MAN1A2: variants seen among roughly 807,000 people sequenced by gnomAD.
The protein encoded by MAN1A2 is mannosidase alpha class 1A member 2.
Under a neutral mutation model 75.7 loss-of-function variants are expected in MAN1A2, and 26 were observed. The observed-to-expected ratio is 0.34, with a 90% confidence interval of 0.25 to 0.48. The LOEUF (loss-of-function observed/expected upper bound fraction) is 0.48. Ranked by LOEUF, MAN1A2 falls within the 20% of genes least tolerant of loss-of-function variation. The pLI, the probability that MAN1A2 is intolerant of heterozygous loss-of-function variation, is 0.99. For missense variants in MAN1A2, 562 were observed against 775.5 expected, an observed-to-expected ratio of 0.72 and a Z score of 3.27; for synonymous variants, 247 against 264.6, an observed-to-expected ratio of 0.93 and a Z score of 0.65.
In MAN1A2 at chr1:117,368,038, T is replaced by C. The variant is rs554578188; in HGVS notation, c.-146T>C. On this transcript the variant is annotated 5_prime_UTR_variant, in exon 1 of 13. Coordinates refer to ENST00000356554, the MANE Select transcript of MAN1A2 (RefSeq NM_006699.5). Reference sequence around the variant, plus strand: ...TGGGAATGGATGGGCGTGAATGACGTGCCCTCTTAAAAAGCACAACAGTCC... The same window carrying C: ...TGGGAATGGATGGGCGTGAATGACGCGCCCTCTTAAAAAGCACAACAGTCC... 4.4e-5 allele frequency: 31 copies of C among 709,250 alleles called. No individual in the cohort carries two copies. In the South Asian group the frequency reaches 5.6e-4, roughly 13 times the overall value. 43.9% of individuals were successfully genotyped at this position (709,250 alleles called of 1,614,324 possible).
At chr1:117,498,644 C>G (rs545551936) in intron 10 of MAN1A2, among the ~76,000 whole-genome samples, 1 of 151,898 alleles carries the variant, frequency 6.6e-6, no homozygotes, top group Non-Finnish European at 1.5e-5. Flanking sequence ...ACCCATGACC[C>G]TCTTTGTTAT....
At chr1:117,436,483 C>T (rs1352898409) in intron 5 of MAN1A2, among the ~76,000 whole-genome samples, 1 of 152,150 alleles carries the variant, frequency 6.6e-6, no homozygotes, top group Non-Finnish European at 1.5e-5. Context: ...GAAGGGACTC[C>T]CCTTGCTGAT....
intron 5 of MAN1A2, among the ~76,000 whole-genome samples, chr1:117,432,599 G>A (rs548005096): frequency 6.6e-6 from 1 of 152,130 alleles, no homozygotes; most frequent in Non-Finnish European, 1.5e-5. Context: ...GCCATTTGTA[G>A]TATTAATTGA....
In MAN1A2 at chr1:117,496,829, G is replaced by A; in HGVS notation, c.1351G>A (p.Gly451Arg). 1 of 1,612,640 alleles carries A rather than the reference G, an allele frequency of 6.2e-7. No individual in the cohort carries two copies. The highest frequency in any genetic ancestry group is 8.5e-7 in the Non-Finnish European group (1 of 1,179,180). The part of the protein sequence containing the change: ...GLTFIGEWKN[G>R]HLEKKMGHLA... ...TACCTTTATTGGAGAATGGAAGAATGGGCACTTGGAAAAAAAGATGGGGCA... is the reference window on the plus strand; with the variant it reads ...TACCTTTATTGGAGAATGGAAGAATAGGCACTTGGAAAAAAAGATGGGGCA... The change falls in exon 10 of 13, where the codon GGG (glycine) becomes AGG (arginine). Residue 451 changes from glycine (G) to arginine (R), a missense_variant. Physicochemically the swap from Gly to Arg is moderately radical, Grantham distance 125. Transcript: ENST00000356554.
chr1:117,417,281 G>T (rs914139809), intron 4 of MAN1A2, among the ~76,000 whole-genome samples: 6 of 150,952 alleles, frequency 4.0e-5, no homozygotes, highest in African/African-American at 1.5e-4. Flanking sequence ...TATGTATTTG[G>T]GTTTTGTTAT....
intron 8 of MAN1A2, among the ~76,000 whole-genome samples, chr1:117,485,459 G>T (rs1221970409): frequency 1.3e-5 from 2 of 151,862 alleles, no homozygotes; most frequent in African/African-American, 4.8e-5. Flanking sequence ...AAGGCAAGGG[G>T]GAGGTAATAA....
At position 117,499,479 on chromosome 1, in the gene MAN1A2, A is replaced by G; in HGVS notation, c.1602A>G (p.Val534=). The change falls in exon 11 of 13, where the codon GTA becomes GTG. Residue 534 remains valine, a synonymous_variant. Transcript: ENST00000356554. Reference sequence around the variant, plus strand: ...AGTATTATATCCTCCGTCCAGAAGTAATTGAAACCTATTGGTACCTATGGC... The same window carrying G: ...AGTATTATATCCTCCGTCCAGAAGTGATTGAAACCTATTGGTACCTATGGC... ...AEKYYILRPE[V]IETYWYLWRF... is the part of the protein sequence containing the mutation. The G allele has an allele frequency of 6.2e-7, 1 of 1,609,342 alleles. No homozygotes were observed.
At chr1:117,424,651 G>A (rs1291151192) in intron 5 of MAN1A2, among the ~76,000 whole-genome samples, 2 of 152,094 alleles carry the variant, frequency 1.3e-5, no homozygotes, top group East Asian at 1.9e-4. Flanking sequence ...TCCTATATGC[G>A]TTTCACTCCT....
At chr1:117,439,506 T>G (rs978348679) in intron 5 of MAN1A2, among the ~76,000 whole-genome samples, 4 of 152,042 alleles carry the variant, frequency 2.6e-5, no homozygotes, top group Non-Finnish European at 4.4e-5. Context: ...TACTTTTTTT[T>G]TTTTGGAGAC....
intron 12 of MAN1A2, among the ~76,000 whole-genome samples, chr1:117,513,769 T>C (rs896861810): frequency 3.3e-5 from 5 of 152,146 alleles, no homozygotes; most frequent in Non-Finnish European, 5.9e-5. Context: ...AGGTAAATAT[T>C]GTTGCCTGCA....
In MAN1A2 at chr1:117,368,422, C is replaced by A. The variant is rs1570685717; in HGVS notation, c.239C>A (p.Ala80Asp). The A allele has an allele frequency of 1.2e-6, 2 of 1,613,842 alleles. No homozygotes were observed. Residue 80 changes from alanine to aspartate, a missense_variant, in exon 1 of 13, where the codon GCC (alanine) becomes GAC (aspartate). By Grantham distance (126) the Ala-to-Asp change is moderately radical (BLOSUM62 -2). Around this residue, in one of 2 missense-constraint regions of MAN1A2, gnomAD observed 128 missense variants for 129.8 expected, o/e 0.99. Transcript: ENST00000356554. ...GATGTGTTAATTCCACATGTAGATGCCGGTAAAGGGGCTAAAAACCCCGGA... is the reference window on the plus strand; with the variant it reads ...GATGTGTTAATTCCACATGTAGATGACGGTAAAGGGGCTAAAAACCCCGGA... ...LEDVLIPHVDAGKGAKNPGVF... is the reference protein window; with the variant it reads ...LEDVLIPHVDDGKGAKNPGVF...
At chr1:117,429,869 C>A (rs867533841) in intron 5 of MAN1A2, among the ~76,000 whole-genome samples, 1 of 65,764 alleles carries the variant, frequency 1.5e-5, no homozygotes. Flanking sequence ...GACCCCCCCA[C>A]CTCCCTCCCA....
intron 6 of MAN1A2, among the ~76,000 whole-genome samples, chr1:117,443,843 C>T (rs1037734625): frequency 1.3e-5 from 2 of 151,862 alleles, no homozygotes; most frequent in African/African-American, 2.4e-5. Flanking sequence ...TTCCTAGGCT[C>T]AAGTGATCCT....
intron 6 of MAN1A2, among the ~76,000 whole-genome samples, chr1:117,452,555 A>C (rs757107818): frequency 1.3e-5 from 2 of 152,210 alleles, no homozygotes; most frequent in Non-Finnish European, 1.5e-5. Context: ...TAGAAGATGA[A>C]ACCAGCTACA....
In MAN1A2 at chr1:117,524,286, C is replaced by T. The variant is rs1038803475; in HGVS notation, c.*1329C>T. 7.2e-5 allele frequency: 11 copies of T among 152,080 alleles called. No homozygotes were observed. Among genetic ancestry groups the T allele is most frequent in the African/African-American group, 2.7e-4 (11 of 41,362 alleles). 9.4% of individuals were successfully genotyped at this position (152,080 alleles called of 1,614,324 possible). On this transcript the variant is annotated 3_prime_UTR_variant, in exon 13 of 13. Transcript: ENST00000356554. ...TTGATATTTCTTTTTAAATAAACTA[C>T]TAGTTCTTTATATTTTGACAAAAAG...
rs533038440 is a variant in MAN1A2 at position 117,384,676 on chromosome 1, C to G, written c.302+16191C>G. Among the ~76,000 whole-genome samples, 4 of 152,194 alleles carry G rather than the reference C, an allele frequency of 2.6e-5. No homozygotes were observed. The South Asian group carries it at 8.3e-4, about 32-fold the overall frequency. On this transcript the variant is annotated intron_variant, in intron 1 of 12. Coordinates refer to ENST00000356554, the MANE Select transcript of MAN1A2 (RefSeq NM_006699.5). ...ATTGAAAATGGGGGTATTGAAGTTTCTATTATTGTTACTTTGTCTGTTTCT... is the reference window on the plus strand; with the variant it reads ...ATTGAAAATGGGGGTATTGAAGTTTGTATTATTGTTACTTTGTCTGTTTCT...
chr1:117,438,883 T>G (rs1648935184), intron 5 of MAN1A2, among the ~76,000 whole-genome samples: 1 of 152,162 alleles, frequency 6.6e-6, no homozygotes, highest in African/African-American at 2.4e-5. Flanking sequence ...TTCTTAGCAC[T>G]ATCTCTGTCA....
At chr1:117,482,428 T>C (rs540694409) in intron 8 of MAN1A2, among the ~76,000 whole-genome samples, 9 of 152,224 alleles carry the variant, frequency 5.9e-5, no homozygotes, top group Admixed American at 3.9e-4. Flanking sequence ...CGTGAGATGG[T>C]ATCTCATTGT....
chr1:117,509,388 G>A (rs1651464433), intron 12 of MAN1A2, among the ~76,000 whole-genome samples: 1 of 151,832 alleles, frequency 6.6e-6, no homozygotes, highest in Admixed American at 6.6e-5. Flanking sequence ...TGTTGGCAAG[G>A]ATGTAAGAAT....
Sources: gnomAD v4.1 joint callset for allele counts (sites outside exome capture counted in the v4.1 genomes callset) on GRCh38, gnomAD v4.1.1 for gene constraint, gnomAD v4.1.1 regional missense constraint, MANE v1.5 for transcripts, NCBI Gene and HGNC (gene_info 2026-07-23, HGNC 2026-07-21) for gene names.